The following LAMA3 variants were observed in gnomAD, a reference collection of about 807,000 sequenced individuals.
LAMA3 encodes the protein laminin subunit alpha-3.
A neutral mutation model predicts 402.0 loss-of-function variants in LAMA3; 281 were observed. The ratio of observed to expected loss-of-function variants is 0.70; its 90% confidence interval spans 0.63 to 0.77. The LOEUF is 0.77. Among genes scored for constraint, LAMA3 ranks in the 30% least tolerant of loss-of-function variants. The pLI is 0.00. For missense variants in LAMA3, 3,840 were observed against 4,215.5 expected, an observed-to-expected ratio of 0.91 and a Z score of 2.47; for synonymous variants, 1,431 against 1,558.4, an observed-to-expected ratio of 0.92 and a Z score of 1.93.
In LAMA3 at chr18:23,849,989, CT is replaced by C. The variant is rs1476311993; in HGVS notation, c.4136+2325del. On this transcript the variant is annotated intron_variant, in intron 32 of 74. Coordinates refer to ENST00000313654, the MANE Select transcript of LAMA3 (RefSeq NM_198129.4). ...AATTTCAGTGTAAATGCTGAAAAAGCTTTTGATTGCCTGAAGGGATTACTTC... is the reference window on the plus strand; with the variant it reads ...AATTTCAGTGTAAATGCTGAAAAAGCTTTGATTGCCTGAAGGGATTACTTC... Among the ~76,000 whole-genome samples the C allele has an allele frequency of 5.9e-5, 9 of 151,926 alleles. No individual in the cohort carries two copies. The East Asian group carries it at 1.7e-3, about 29-fold the overall frequency.
Position 23,879,885 on chromosome 18 carries a change from G to A in LAMA3, c.5113-2051G>A, listed in dbSNP as rs966452015. Among the ~76,000 whole-genome samples, 2 of 152,194 alleles carry A rather than the reference G, an allele frequency of 1.3e-5. No individual in the cohort carries two copies. The highest frequency in any genetic ancestry group is 2.4e-5 in the African/African-American group (1 of 41,452). On this transcript the variant is annotated intron_variant, in intron 39 of 74. Transcript: ENST00000313654. This position sits in a 1 kb window ranked among gnomAD's most constrained non-coding sequence, Gnocchi z 4.2. The stretch of plus-strand genomic sequence containing the variant: ...ACTCAGAGTGATTTTAGTAGGATAC[G>A]GATGTCCTCACCTCAATTCTTGCAT...
intron 48 of LAMA3, among the ~76,000 whole-genome samples, chr18:23,902,214 T>C (rs1341874381): frequency 6.6e-6 from 1 of 152,054 alleles, no homozygotes; most frequent in African/African-American, 2.4e-5. Context: ...TAGTCTCAGC[T>C]ACTCGGGAGG....
At chr18:23,837,283 A>G (rs2063602322) in intron 25 of LAMA3, 194 bp downstream of exon 25, 1 of 590,404 alleles carries the variant, frequency 1.7e-6, no homozygotes, top group African/African-American at 1.9e-5. Context: ...ATATGGCCTA[A>G]TAAAATTTAG....
rs1260245392 is a variant in LAMA3, at chr18:23,730,391, C to T, written c.447+16319C>T. On this transcript the variant is annotated intron_variant, in intron 2 of 74. Transcript: ENST00000313654. ...TTCTTTTTTTTTTTTTTTTTTGAGA[C>T]GGAGTCTCGCTCTGTTATCCAGGCT... Among the ~76,000 whole-genome samples the T allele has an allele frequency of 2.0e-4, 25 of 126,834 alleles. No homozygotes were observed. In the South Asian group the frequency reaches 4.6e-3, roughly 23 times the overall value. 83.2% of individuals were successfully genotyped at this position (126,834 alleles called of 152,430 possible).
rs776191231 is a variant in LAMA3, at chr18:23,882,004, C to T, written c.5181C>T (p.Val1727=). The change falls in exon 40 of 75, where the codon GTC becomes GTT. Residue 1727 remains valine (V), a synonymous_variant. Coordinates refer to ENST00000313654, the MANE Select transcript of LAMA3 (RefSeq NM_198129.4). ...RCQEGYYGNA[V]HGSCRACPCP... is the part of the protein sequence containing the mutation. ...AGGAGGGCTACTATGGCAACGCCGT[C>T]CACGGATCCTGCAGGGCCTGCCCAT... 3.2e-5 allele frequency: 52 copies of T among 1,613,980 alleles called. No individual in the cohort carries two copies. The highest frequency in any genetic ancestry group is 4.1e-5 in the Non-Finnish European group (48 of 1,179,964).
chr18:23,850,108 A>G (rs1188227230), intron 32 of LAMA3, among the ~76,000 whole-genome samples: 1 of 152,226 alleles, frequency 6.6e-6, no homozygotes, highest in East Asian at 1.9e-4. Flanking sequence ...CTCATGTAAA[A>G]GAAATAATCA....
chr18:23,951,413 G>A (rs1325375303), intron 72 of LAMA3, among the ~76,000 whole-genome samples: 1 of 152,166 alleles, frequency 6.6e-6, no homozygotes, highest in African/African-American at 2.4e-5. Flanking sequence ...ATGGGGGCGG[G>A]GTTTGGATTA....
At chr18:23,877,021 G>A (rs956057702) in intron 39 of LAMA3, among the ~76,000 whole-genome samples, 3 of 152,116 alleles carry the variant, frequency 2.0e-5, no homozygotes, top group Admixed American at 1.3e-4. Flanking sequence ...AACTCGGTCT[G>A]CATTCCATCC....
intron 56 of LAMA3, 115 bp downstream of exon 56, chr18:23,912,996 T>C: frequency 1.0e-6 from 1 of 985,400 alleles, no homozygotes; most frequent in Admixed American, 1.8e-5. Flanking sequence ...GCAGAAATCC[T>C]ACTGAGACAT....
intron 54 of LAMA3, among the ~76,000 whole-genome samples, chr18:23,908,494 C>T (rs1421665824): frequency 3.6e-5 from 5 of 138,810 alleles, no homozygotes; most frequent in African/African-American, 1.4e-4. Flanking sequence ...TGCACCACTG[C>T]ACTCCAGCCT....
intron 41 of LAMA3, among the ~76,000 whole-genome samples, chr18:23,887,769 C>T (rs1464094909): frequency 1.3e-5 from 2 of 152,198 alleles, no homozygotes; most frequent in African/African-American, 4.8e-5. Context: ...GGCTTTCCAG[C>T]CCATGCATGC....
chr18:23,824,154 G>GT (rs2063337136), intron 20 of LAMA3, among the ~76,000 whole-genome samples: 1 of 152,148 alleles, frequency 6.6e-6, no homozygotes, highest in African/African-American at 2.4e-5. Flanking sequence ...CTGTTTACAA[G>GT]TATTAATATA....
Position 23,912,831 on chromosome 18 carries a change from G to C in LAMA3, c.7279G>C (p.Glu2427Gln). ...GTTTCTCCAAAGGCCCAACTCAAGA[G>C]AAAATGGGGGTACTGAGAATATGTT... ...SLFLQRPNSR[E>Q]NGGTENMFVM... Residue 2427 changes from glutamate (E) to glutamine (Q), a missense_variant, in exon 56 of 75, where the codon GAA (glutamate) becomes CAA (glutamine). By Grantham distance (29) the Glu-to-Gln change is conservative. Coordinates refer to ENST00000313654, the MANE Select transcript of LAMA3 (RefSeq NM_198129.4). 6.2e-7 allele frequency: 1 copy of C among 1,614,080 alleles called. No individual in the cohort carries two copies. The highest frequency in any genetic ancestry group is 8.5e-7 in the Non-Finnish European group (1 of 1,179,880).
In LAMA3 at chr18:23,949,771, C is replaced by T; in HGVS notation, c.9358C>T (p.Pro3120Ser). The change falls in exon 71 of 75, where the codon CCC (proline) becomes TCC (serine). Residue 3120 changes from proline (P) to serine (S), a missense_variant. By Grantham distance (74) the Pro-to-Ser change is moderately conservative. This residue lies in a region of LAMA3 where 840 missense variants were observed against 981.9 expected (regional missense o/e 0.86). Transcript: ENST00000313654. ...CTTTTCTGCTTGGTTGCAGAGCCTC[C>T]CCACAAACAGCTTTGTGGGATGCCT... Reference protein sequence around the residue: ...SPPSGKPKSLPTNSFVGCLKN... With the variant: ...SPPSGKPKSLSTNSFVGCLKN... 6.2e-7 allele frequency: 1 copy of T among 1,613,936 alleles called. No homozygotes were observed. Among genetic ancestry groups the T allele is most frequent in the African/African-American group, 1.3e-5 (1 of 74,976 alleles).
intron 32 of LAMA3, among the ~76,000 whole-genome samples, chr18:23,849,870 C>T (rs1272137887): frequency 2.0e-5 from 3 of 152,156 alleles, no homozygotes; most frequent in Admixed American, 2.0e-4. Context: ...GATAACGCAT[C>T]TTCCCATGAT....
Position 23,950,070 on chromosome 18 carries a change from A to G in LAMA3, c.9553A>G (p.Ser3185Gly). The part of the protein sequence containing the change: ...LLGPEFKLVF[S>G]IRPRSLTGIL... ...GGGGCCAGAATTTAAGCTTGTTTTC[A>G]GCATCCGCCCAAGAAGTCTCACTGG... Residue 3185 changes from serine (S) to glycine (G), a missense_variant, in exon 72 of 75, where the codon AGC (serine) becomes GGC (glycine). Physicochemically the swap from Ser to Gly is moderately conservative, Grantham distance 56. Coordinates refer to ENST00000313654, the MANE Select transcript of LAMA3 (RefSeq NM_198129.4). 2 of 1,614,114 alleles carry G rather than the reference A, an allele frequency of 1.2e-6. No individual in the cohort carries two copies.
intron 64 of LAMA3, among the ~76,000 whole-genome samples, chr18:23,930,224 G>A (rs1217875835): frequency 6.6e-6 from 1 of 152,162 alleles, no homozygotes; most frequent in African/African-American, 2.4e-5. Flanking sequence ...ATTAATGATT[G>A]ACAGGAAGAG....
chr18:23,746,262 TG>T (rs1160998996), intron 2 of LAMA3, among the ~76,000 whole-genome samples: 1 of 152,188 alleles, frequency 6.6e-6, no homozygotes, highest in African/African-American at 2.4e-5. Flanking sequence ...GTAATCAGTG[TG>T]ACAATTCTTC....
intron 56 of LAMA3, among the ~76,000 whole-genome samples, chr18:23,913,463 T>C (rs1396288641): frequency 6.6e-6 from 1 of 152,214 alleles, no homozygotes; most frequent in Non-Finnish European, 1.5e-5. Flanking sequence ...TCACTACCCA[T>C]ACAGGCATTT....
Sources: allele counts gnomAD v4.1 joint callset (sites outside exome capture counted in the v4.1 genomes callset), GRCh38; gene constraint gnomAD v4.1.1; regional missense constraint gnomAD v4.1.1; non-coding constraint Gnocchi (gnomAD v3.1); transcripts MANE v1.5; gene names NCBI Gene and HGNC (gene_info 2026-07-23, HGNC 2026-07-21).